ARMH3: variants seen among roughly 807,000 people sequenced by gnomAD.
The protein encoded by ARMH3 is armadillo like helical domain containing 3.
ARMH3 carries 60 observed loss-of-function variants against 99.1 expected under a neutral mutation model. The observed-to-expected ratio is 0.61, with a 90% CI of 0.49 to 0.75. The LOEUF is 0.75. ARMH3 is among the 30% of genes least tolerant of loss of function. The probability of loss-of-function intolerance (pLI) is 0.00; values close to 1 mark genes in which losing one functional copy is unlikely to be tolerated. For missense variants in ARMH3, 679 were observed against 843.1 expected, an observed-to-expected ratio of 0.81 and a Z score of 2.41; for synonymous variants, 285 against 292.8, an observed-to-expected ratio of 0.97 and a Z score of 0.27.
chr10:101,865,292 T>C (rs1277247457), intron 24 of ARMH3, among the ~76,000 whole-genome samples: 3 of 151,498 alleles, frequency 2.0e-5, no homozygotes, highest in Non-Finnish European at 4.4e-5. Flanking sequence ...ACGTAAGATA[T>C]ACATAGAGAG....
At chr10:101,853,947 T>C (rs773857739) in intron 24 of ARMH3, among the ~76,000 whole-genome samples, 2 of 152,136 alleles carry the variant, frequency 1.3e-5, no homozygotes, top group Non-Finnish European at 2.9e-5. Flanking sequence ...GCCCCGTCTC[T>C]ACTAAAAATA....
chr10:102,040,139 G>C lies in ARMH3; in HGVS notation c.-11-14C>G. The C allele has an allele frequency of 6.3e-7, 1 of 1,593,714 alleles. No individual in the cohort carries two copies. The highest frequency in any genetic ancestry group is 1.7e-4 in the Middle Eastern group (1 of 6,034). On this transcript the variant is annotated splice_polypyrimidine_tract_variant and intron_variant, in intron 1 of 25. Transcript: ENST00000370033. ...TGGTTAGAGAATCTGTGAACAGAAAGTCACATTTTAGAATAGTGAAAATAC... is the reference window on the plus strand; with the variant it reads ...TGGTTAGAGAATCTGTGAACAGAAACTCACATTTTAGAATAGTGAAAATAC...
chr10:101,963,702 C>T (rs146780153), intron 20 of ARMH3, among the ~76,000 whole-genome samples: 4,673 of 152,058 alleles, frequency 0.031, 115 homozygotes, highest in Non-Finnish European at 0.051. Context: ...TGGGTTCAAG[C>T]GATTCTCCTG....
chr10:101,883,587 A>C (rs1433548192), intron 24 of ARMH3, among the ~76,000 whole-genome samples: 1 of 152,122 alleles, frequency 6.6e-6, no homozygotes, highest in Non-Finnish European at 1.5e-5. Context: ...TCCAAACCCA[A>C]GTATTTAAGT....
intron 19 of ARMH3, among the ~76,000 whole-genome samples, chr10:101,975,866 A>C (rs1417882447): frequency 6.7e-6 from 1 of 149,780 alleles, no homozygotes; most frequent in East Asian, 2.0e-4. Context: ...TCTCAAAAAA[A>C]AAAATAGGCT....
chr10:101,872,220 A>AGT (rs2067146191), intron 24 of ARMH3, among the ~76,000 whole-genome samples: 1 of 151,516 alleles, frequency 6.6e-6, no homozygotes, highest in East Asian at 1.9e-4. Flanking sequence ...AAATATTTAG[A>AGT]GAGTGTGTGT....
At chr10:101,937,737 G>A (rs1844051995) in intron 23 of ARMH3, among the ~76,000 whole-genome samples, 1 of 152,092 alleles carries the variant, frequency 6.6e-6, no homozygotes, top group Admixed American at 6.5e-5. Context: ...CATTTAATAA[G>A]TGAGAATAGA....
chr10:101,985,396 A>G (rs932333508), intron 19 of ARMH3, among the ~76,000 whole-genome samples: 1 of 151,536 alleles, frequency 6.6e-6, no homozygotes, highest in East Asian at 1.9e-4. Context: ...ATACATACAT[A>G]CATGTGTATA....
At chr10:101,963,143 A>ATTT (rs11455511) in intron 20 of ARMH3, among the ~76,000 whole-genome samples, 1 of 112,238 alleles carries the variant, frequency 8.9e-6, no homozygotes. Flanking sequence ...ATAATTTTGC[A>ATTT]TTTTTTTTTT....
Position 101,914,332 on chromosome 10 carries a change from C to T in ARMH3, c.1782-24842G>A, listed in dbSNP as rs553636462. 4.0e-5 allele frequency among the ~76,000 whole-genome samples: 6 copies of T among 151,396 alleles called. No individual in the cohort carries two copies. The South Asian group carries it at 1.3e-3, about 32-fold the overall frequency. On this transcript the variant is annotated intron_variant, in intron 23 of 25. Coordinates refer to ENST00000370033, the MANE Select transcript of ARMH3 (RefSeq NM_024541.3). ...TGAAACTCCGTCTCTACTAAAAATA[C>T]AAAAAGTTAGCCGGGCATGGTGGCG...
chr10:101,899,246 G>C (rs80259839), intron 23 of ARMH3, among the ~76,000 whole-genome samples: 61 of 152,202 alleles, frequency 4.0e-4, no homozygotes, highest in Non-Finnish European at 7.4e-4. Flanking sequence ...GACCAGTCCA[G>C]TGATATACTA....
At position 101,927,013 on chromosome 10, in the gene ARMH3, C is replaced by G. The variant is rs1280905327; in HGVS notation, c.1781+12850G>C. ...TTATAGAATGAGTCCACTGGAAATA[C>G]CTTTCTTCTACACTGCTTCTCATTC... On this transcript the variant is annotated intron_variant, in intron 23 of 25. Transcript: ENST00000370033. Among the ~76,000 whole-genome samples, 2 of 152,064 alleles carry G rather than the reference C, an allele frequency of 1.3e-5. 1 individual carries two copies. The highest frequency in any genetic ancestry group is 4.8e-5 in the African/African-American group (2 of 41,368).
intron 19 of ARMH3, among the ~76,000 whole-genome samples, chr10:101,989,612 T>C (rs1590142673): frequency 6.6e-6 from 1 of 152,038 alleles, no homozygotes; most frequent in East Asian, 1.9e-4. Flanking sequence ...TCCCAGCTAC[T>C]TGGGAGGCTG....
intron 20 of ARMH3, among the ~76,000 whole-genome samples, chr10:101,959,087 A>C (rs1357181211): frequency 2.0e-5 from 3 of 152,182 alleles, no homozygotes; most frequent in Non-Finnish European, 4.4e-5. Context: ...TTTCATAATG[A>C]AAAGGCAAAT....
At chr10:101,980,894 A>T (rs1255941251) in intron 19 of ARMH3, among the ~76,000 whole-genome samples, 1 of 152,188 alleles carries the variant, frequency 6.6e-6, no homozygotes, top group Non-Finnish European at 1.5e-5. Flanking sequence ...AAGGAATGAG[A>T]TCATGTCCTT....
At chr10:102,053,832 G>T (rs577738411) in intron 1 of ARMH3, among the ~76,000 whole-genome samples, 1 of 151,838 alleles carries the variant, frequency 6.6e-6, no homozygotes, top group Non-Finnish European at 1.5e-5. Context: ...CTAATTTTTT[G>T]TATTTTTAGT....
At chr10:101,986,237 C>G (rs1414916547) in intron 19 of ARMH3, among the ~76,000 whole-genome samples, 1 of 152,094 alleles carries the variant, frequency 6.6e-6, no homozygotes, top group Non-Finnish European at 1.5e-5. Context: ...TGCCTACCTA[C>G]AGGTTTGGAA....
At chr10:102,000,095 T>C (rs917935284) in intron 15 of ARMH3, among the ~76,000 whole-genome samples, 2 of 151,746 alleles carry the variant, frequency 1.3e-5, no homozygotes, top group African/African-American at 4.8e-5. Context: ...AAATAAAAAA[T>C]AAAATAAAAT....
intron 24 of ARMH3, among the ~76,000 whole-genome samples, chr10:101,887,343 T>G (rs1463074356): frequency 6.6e-6 from 1 of 152,032 alleles, no homozygotes; most frequent in Non-Finnish European, 1.5e-5. Flanking sequence ...TCACCACTGA[T>G]CCCCACTTAC....
Sources: allele counts gnomAD v4.1 joint callset (sites outside exome capture counted in the v4.1 genomes callset), GRCh38; gene constraint gnomAD v4.1.1; transcripts MANE v1.5; gene names NCBI Gene and HGNC (gene_info 2026-07-23, HGNC 2026-07-21).